Variants in PHACTR3 observed in about 807,000 individuals in gnomAD.
The protein encoded by PHACTR3 is phosphatase and actin regulator 3, also known as protein phosphatase 1, regulatory subunit 123.
PHACTR3 carries 16 observed loss-of-function variants against 66.8 expected under a neutral mutation model. That is an observed-to-expected ratio of 0.24 (90% CI 0.16 to 0.36). PHACTR3 has a LOEUF of 0.36. PHACTR3 is among the 10% of genes least tolerant of loss of function. PHACTR3 has a pLI of 1.00. For missense variants in PHACTR3, 647 were observed against 719.9 expected, an observed-to-expected ratio of 0.90 and a Z score of 1.16; for synonymous variants, 323 against 292.1, an observed-to-expected ratio of 1.11 and a Z score of -1.08.
At chr20:59,636,427 C>G (rs900663024) in intron 1 of PHACTR3, among the ~76,000 whole-genome samples, 7 of 152,212 alleles carry the variant, frequency 4.6e-5, no homozygotes, top group Non-Finnish European at 1.0e-4. Context: ...AGAACTCTCT[C>G]AAGTCCTGGT....
intron 1 of PHACTR3, among the ~76,000 whole-genome samples, chr20:59,668,870 TTTTTA>T (rs76833383): frequency 0.35 from 47,981 of 138,438 alleles, 9,749 homozygotes; most frequent in Middle Eastern, 0.47. Flanking sequence ...ACAGCTAATT[TTTTTA>T]TTTTATTTTA....
Position 59,664,248 on chromosome 20 carries a change from T to C in PHACTR3, c.118+59116T>C, listed in dbSNP as rs370948886. Among the ~76,000 whole-genome samples the C allele has an allele frequency of 3.3e-5, 5 of 152,218 alleles. No homozygotes were observed. In the East Asian group the frequency reaches 5.8e-4, roughly 18 times the overall value. ...AGTGAGTGTAAGGACTTTTTAATTT[T>C]GAGAGATATTGGATACATAGTTGTT... On this transcript the variant is annotated intron_variant, in intron 1 of 12. Transcript: ENST00000371015.
intron 1 of PHACTR3, among the ~76,000 whole-genome samples, chr20:59,636,712 G>A (rs568917060): frequency 6.6e-6 from 1 of 152,280 alleles, no homozygotes; most frequent in Admixed American, 6.5e-5. Flanking sequence ...GAAGGCCCTG[G>A]CATAATTCCT....
At chr20:59,793,496 A>G (rs984228424) in intron 7 of PHACTR3, among the ~76,000 whole-genome samples, 14 of 152,070 alleles carry the variant, frequency 9.2e-5, no homozygotes, top group African/African-American at 3.4e-4. Context: ...CAGATCTTTC[A>G]TCTCCTTGGT....
intron 8 of PHACTR3, among the ~76,000 whole-genome samples, chr20:59,810,419 G>A (rs935441859): frequency 1.3e-5 from 2 of 152,232 alleles, no homozygotes; most frequent in Non-Finnish European, 2.9e-5. Flanking sequence ...CAGCAGCGGA[G>A]TAGCAGCATC....
intron 1 of PHACTR3, among the ~76,000 whole-genome samples, chr20:59,702,320 C>T (rs1319285295): frequency 1.3e-5 from 2 of 152,140 alleles, no homozygotes; most frequent in Non-Finnish European, 2.9e-5. Flanking sequence ...CTCTGCAGAC[C>T]CTCCAGCCTC....
chr20:59,670,613 G>GT lies in PHACTR3; in HGVS notation c.118+65481_118+65482insT, dbSNP rs1491265008. On this transcript the variant is annotated intron_variant, in intron 1 of 12. Coordinates refer to ENST00000371015, the MANE Select transcript of PHACTR3 (RefSeq NM_080672.5). ...CAGGCATCTGCCGGGGGTGGGGGGG[G>GT]GGGGCAGGCACTTTTACTGTTTCCA... Among the ~76,000 whole-genome samples the GT allele has an allele frequency of 4.7e-4, 62 of 132,746 alleles. 1 individual carries two copies. The highest frequency in any genetic ancestry group is 1.6e-3 in the African/African-American group (60 of 36,872). 87.1% of individuals were successfully genotyped at this position (132,746 alleles called of 152,430 possible).
intron 4 of PHACTR3, among the ~76,000 whole-genome samples, chr20:59,766,437 T>C (rs1262663149): frequency 3.4e-4 from 52 of 152,164 alleles, no homozygotes; most frequent in Non-Finnish European, 6.0e-4. Flanking sequence ...GTTGTTGAAA[T>C]AATGGATGAT....
intron 1 of PHACTR3, among the ~76,000 whole-genome samples, chr20:59,665,857 T>G (rs904665698): frequency 1.3e-5 from 2 of 152,160 alleles, no homozygotes; most frequent in Non-Finnish European, 2.9e-5. Context: ...TTTATGGTTA[T>G]CAGAAGTGGG....
At chr20:59,813,810 A>G (rs554381644) in intron 8 of PHACTR3, among the ~76,000 whole-genome samples, 2 of 152,132 alleles carry the variant, frequency 1.3e-5, no homozygotes, top group South Asian at 2.1e-4. Flanking sequence ...GCTGCCCGCT[A>G]TGGGTTCCCA....
intron 6 of PHACTR3, among the ~76,000 whole-genome samples, chr20:59,773,761 G>C (rs1172564314): frequency 6.6e-6 from 1 of 152,224 alleles, no homozygotes; most frequent in African/African-American, 2.4e-5. Context: ...GACTGACTTA[G>C]AGAAAAGTGG....
chr20:59,620,010 G>T (rs1217390939), intron 1 of PHACTR3, among the ~76,000 whole-genome samples: 2 of 152,134 alleles, frequency 1.3e-5, no homozygotes, highest in Admixed American at 6.5e-5. Context: ...CCTCCCTGTT[G>T]GCACACAGGA....
intron 1 of PHACTR3, among the ~76,000 whole-genome samples, chr20:59,590,792 G>T (rs139554036): frequency 2.2e-4 from 33 of 152,230 alleles, no homozygotes; most frequent in African/African-American, 7.9e-4. Flanking sequence ...GTGAGTGCCG[G>T]TTCCTCAGAG....
chr20:59,690,894 A>C (rs1204116963), intron 1 of PHACTR3, among the ~76,000 whole-genome samples: 3 of 152,212 alleles, frequency 2.0e-5, no homozygotes, highest in African/African-American at 4.8e-5. Context: ...GGGTCAAATC[A>C]GATTAGATTT....
chr20:59,579,691 G>A (rs4812109), intron 1 of PHACTR3, among the ~76,000 whole-genome samples: 66,028 of 152,136 alleles, frequency 0.43, 17,239 homozygotes, highest in African/African-American at 0.7. Context: ...GTGGCCGCAG[G>A]TTTATTTGGA....
chr20:59,821,131 A>G (rs1454509880), intron 8 of PHACTR3, among the ~76,000 whole-genome samples: 1 of 152,132 alleles, frequency 6.6e-6, no homozygotes, highest in Non-Finnish European at 1.5e-5. Context: ...CTATTATTGG[A>G]TGTTCTTAGC....
chr20:59,820,511 A>G lies in PHACTR3; in HGVS notation c.1328+14317A>G, dbSNP rs2042004034. ...GCAAATCTCAGCCCCAGAGGATATA[A>G]ATATGACGCTTCATCGTCTTGGGTG... is the stretch of plus-strand genomic sequence containing the variant. On this transcript the variant is annotated intron_variant, in intron 8 of 12. Transcript: ENST00000371015. The surrounding 1 kb of genome is among the most constrained non-coding windows in gnomAD (Gnocchi z 4.6). Among the ~76,000 whole-genome samples the G allele has an allele frequency of 6.6e-6, 1 of 152,192 alleles. No homozygotes were observed. The highest frequency in any genetic ancestry group is 2.4e-5 in the African/African-American group (1 of 41,440).
chr20:59,770,050 C>A (rs2146879828), intron 5 of PHACTR3, among the ~76,000 whole-genome samples: 1 of 152,298 alleles, frequency 6.6e-6, no homozygotes, highest in East Asian at 1.9e-4. Flanking sequence ...ACTTGGTAAC[C>A]CAGAGAGTTT....
chr20:59,683,669 A>G (rs11699790), intron 1 of PHACTR3, among the ~76,000 whole-genome samples: 6 of 152,198 alleles, frequency 3.9e-5, no homozygotes, highest in African/African-American at 1.2e-4. Flanking sequence ...AGAGGGTCTT[A>G]TGTATTATCC....
Sources: allele counts gnomAD v4.1 joint callset (sites outside exome capture counted in the v4.1 genomes callset), GRCh38; gene constraint gnomAD v4.1.1; non-coding constraint Gnocchi (gnomAD v3.1); transcripts MANE v1.5; gene names NCBI Gene and HGNC (gene_info 2026-07-23, HGNC 2026-07-21).